GRK5: variants seen among roughly 807,000 people sequenced by gnomAD.
GRK5 encodes g protein-coupled receptor kinase GRK5.
GRK5 carries 40 observed loss-of-function variants against 78.4 expected under a neutral mutation model. The ratio of observed to expected loss-of-function variants is 0.51; its 90% CI spans 0.40 to 0.66. The LOEUF is 0.66. GRK5 is among the 30% of genes least tolerant of loss of function. GRK5 has a pLI of 0.00. For synonymous variants in GRK5, 289 were observed against 296.8 expected, an observed-to-expected ratio of 0.97 and a Z score of 0.27; for missense variants, 598 against 759.9, an observed-to-expected ratio of 0.79 and a Z score of 2.50.
chr10:119,287,860 G>A (rs928696225), intron 1 of GRK5, among the ~76,000 whole-genome samples: 3 of 152,224 alleles, frequency 2.0e-5, no homozygotes, highest in Non-Finnish European at 4.4e-5. Context: ...AGGCTTTCAG[G>A]TGAAGTGAGT....
At chr10:119,341,843 A>G (rs796696491) in intron 2 of GRK5, among the ~76,000 whole-genome samples, 2 of 152,178 alleles carry the variant, frequency 1.3e-5, no homozygotes, top group South Asian at 4.2e-4. Flanking sequence ...GAGTTCTTTT[A>G]AGAGTCCTGG....
chr10:119,319,071 T>C (rs1381540819), intron 1 of GRK5, among the ~76,000 whole-genome samples: 1 of 152,226 alleles, frequency 6.6e-6, no homozygotes, highest in Admixed American at 6.5e-5. Context: ...CTTTCCCTGA[T>C]AGGACATGCC....
intron 1 of GRK5, among the ~76,000 whole-genome samples, chr10:119,234,088 G>T (rs1014998015): frequency 6.6e-6 from 1 of 152,186 alleles, no homozygotes; most frequent in Non-Finnish European, 1.5e-5. Context: ...CCTCCCATTA[G>T]CCTTGGTTTC....
intron 1 of GRK5, among the ~76,000 whole-genome samples, chr10:119,224,866 C>A (rs565069869): frequency 1.3e-5 from 2 of 152,228 alleles, no homozygotes; most frequent in East Asian, 3.9e-4. Context: ...CTGTGTGGCT[C>A]CTCTCCAAGC....
chr10:119,345,230 A>G (rs1023069896), intron 2 of GRK5, among the ~76,000 whole-genome samples: 3 of 152,108 alleles, frequency 2.0e-5, no homozygotes, highest in Non-Finnish European at 4.4e-5. Flanking sequence ...GGCCTCCCAA[A>G]GTGCTGGGAT....
At chr10:119,376,610 G>A (rs1053616909) in intron 2 of GRK5, among the ~76,000 whole-genome samples, 93 of 142,836 alleles carry the variant, frequency 6.5e-4, no homozygotes, top group African/African-American at 2.4e-3. Context: ...TGTTGCCCAG[G>A]CTGGAGTACA....
chr10:119,276,592 T>G (rs1849674354), intron 1 of GRK5, among the ~76,000 whole-genome samples: 1 of 152,154 alleles, frequency 6.6e-6, no homozygotes, highest in Non-Finnish European at 1.5e-5. Flanking sequence ...GCAGCATGAT[T>G]TATAGTCTTT....
intron 2 of GRK5, among the ~76,000 whole-genome samples, chr10:119,343,050 G>C (rs113207694): frequency 7.9e-4 from 121 of 152,302 alleles, no homozygotes; most frequent in African/African-American, 2.7e-3. Flanking sequence ...GTGTGGGGCT[G>C]GGGGAGGGAT....
intron 1 of GRK5, among the ~76,000 whole-genome samples, chr10:119,245,385 A>G (rs970357479): frequency 6.6e-6 from 1 of 152,228 alleles, no homozygotes; most frequent in Non-Finnish European, 1.5e-5. Context: ...CAAAGTCTAT[A>G]GGTAAATGAA....
intron 1 of GRK5, among the ~76,000 whole-genome samples, chr10:119,298,409 T>C (rs1850118121): frequency 6.6e-6 from 1 of 152,190 alleles, no homozygotes; most frequent in African/African-American, 2.4e-5. Context: ...AGTGCCGTGC[T>C]CTTGAATGCT....
Position 119,430,485 on chromosome 10 carries a change from C to T in GRK5, c.597+47C>T. ...TAATTGAAAGTTCTTACATTCAAGT[C>T]ACCTTTCCTGTCCCTTCTAAATCAA... On this transcript the variant is annotated intron_variant, in intron 7 of 15. Coordinates refer to ENST00000392870, the MANE Select transcript of GRK5 (RefSeq NM_005308.3). The surrounding 1 kb of genome is among the most constrained non-coding windows in gnomAD (Gnocchi z 4.5). The T allele has an allele frequency of 6.5e-7, 1 of 1,545,484 alleles. No homozygotes were observed. Among genetic ancestry groups the T allele is most frequent in the Non-Finnish European group, 8.9e-7 (1 of 1,119,728 alleles).
intron 1 of GRK5, among the ~76,000 whole-genome samples, chr10:119,300,217 T>A (rs1296780772): frequency 6.6e-6 from 1 of 152,184 alleles, no homozygotes; most frequent in Admixed American, 6.5e-5. Flanking sequence ...GGCAAATATG[T>A]TTTTAAAATG....
At chr10:119,226,168 C>T (rs561195383) in intron 1 of GRK5, among the ~76,000 whole-genome samples, 104 of 151,848 alleles carry the variant, frequency 6.8e-4, no homozygotes, top group African/African-American at 2.0e-3. Flanking sequence ...TTAATAGAGA[C>T]GAGGTTTCAT....
intron 1 of GRK5, among the ~76,000 whole-genome samples, chr10:119,295,578 TAAAG>T (rs762184458): frequency 7.2e-5 from 11 of 151,904 alleles, no homozygotes; most frequent in Non-Finnish European, 1.5e-4. Context: ...AATGAGTAGA[TAAAG>T]AAACTGAGAT....
intron 3 of GRK5, among the ~76,000 whole-genome samples, chr10:119,395,825 C>G (rs889451058): frequency 3.3e-5 from 5 of 152,100 alleles, no homozygotes; most frequent in Non-Finnish European, 7.4e-5. Context: ...CTTGGAGGTT[C>G]GAGTCCCAGC....
Position 119,431,328 on chromosome 10 carries a change from G to T in GRK5, c.598-59G>T, listed in dbSNP as rs958881983. On this transcript the variant is annotated intron_variant, in intron 7 of 15. Transcript: ENST00000392870. The surrounding 1 kb of genome is among the most constrained non-coding windows in gnomAD (Gnocchi z 4.8). ...GAGGCCTGTGGTCCCCGCCCTGGAG[G>T]AGCTCGGGGCAGGCCTCCACGGTGC... 6.4e-7 allele frequency: 1 copy of T among 1,559,326 alleles called. No homozygotes were observed. Among genetic ancestry groups the T allele is most frequent in the African/African-American group, 1.4e-5 (1 of 72,838 alleles).
At chr10:119,446,280 G>A (rs1042325331) in intron 12 of GRK5, among the ~76,000 whole-genome samples, 1 of 152,240 alleles carries the variant, frequency 6.6e-6, no homozygotes, top group Non-Finnish European at 1.5e-5. Flanking sequence ...GCATATAGGC[G>A]GGTGTTCAAC....
chr10:119,244,667 G>A (rs892643045), intron 1 of GRK5, among the ~76,000 whole-genome samples: 19 of 152,296 alleles, frequency 1.2e-4, no homozygotes, highest in African/African-American at 3.8e-4. Context: ...CCAGGAGGTC[G>A]AAGCTGCAGT....
At chr10:119,427,233 CA>C (rs1331976466) in intron 6 of GRK5, among the ~76,000 whole-genome samples, 5 of 98,674 alleles carry the variant, frequency 5.1e-5, no homozygotes, top group African/African-American at 7.8e-5. Context: ...TCATCAACAT[CA>C]CCACCATCAT....
Sources: allele counts gnomAD v4.1 joint callset (sites outside exome capture counted in the v4.1 genomes callset), GRCh38; gene constraint gnomAD v4.1.1; non-coding constraint Gnocchi (gnomAD v3.1); transcripts MANE v1.5; gene names NCBI Gene and HGNC (gene_info 2026-07-23, HGNC 2026-07-21).